Variants in ZNF282 observed in about 807,000 individuals in gnomAD.
ZNF282 encodes HTLV-I U5 repressive element-binding protein 1.
In ZNF282, 30 loss-of-function variants were observed where a neutral mutation model predicts 61.9. That is an observed-to-expected ratio of 0.48 (90% CI 0.36 to 0.66). The LOEUF (loss-of-function observed/expected upper bound fraction) is 0.66, where lower values mean the gene tolerates loss of function less well. Ranked by LOEUF, ZNF282 falls within the 30% of genes least tolerant of loss-of-function variation. ZNF282 has a pLI of 0.00. For synonymous variants in ZNF282, 396 were observed against 405.0 expected (o/e 0.98, Z 0.27); for missense variants, 788 against 941.4 (o/e 0.84, Z 2.13).
At chr7:149,214,912 C>T (rs918023454) in intron 7 of ZNF282, among the ~76,000 whole-genome samples, 2 of 152,178 alleles carry the variant, frequency 1.3e-5, no homozygotes, top group Admixed American at 1.3e-4. Flanking sequence ...CACTGATGAA[C>T]ACACTGAAGC....
At chr7:149,197,590 A>C (rs993152595) in intron 1 of ZNF282, among the ~76,000 whole-genome samples, 3 of 152,214 alleles carry the variant, frequency 2.0e-5, no homozygotes, top group African/African-American at 7.2e-5. Flanking sequence ...CTCCTGCCTC[A>C]GCCTCCCAAG....
chr7:149,224,191 C>T lies in ZNF282; in HGVS notation c.1560C>T (p.Cys520=). The T allele has an allele frequency of 1.2e-6, 2 of 1,604,794 alleles. No homozygotes were observed. The highest frequency in any genetic ancestry group is 1.7e-6 in the Non-Finnish European group (2 of 1,179,416). ...GCGCCCGCAGCAAGCCCTACTCGTGCCCCGAGTGCGGCAAGAGCTTCGGCG... is the reference window on the plus strand; with the variant it reads ...GCGCCCGCAGCAAGCCCTACTCGTGTCCCGAGTGCGGCAAGAGCTTCGGCG... ...LHGARSKPYS[C]PECGKSFGVR... The change falls in exon 8 of 8, where the codon TGC becomes TGT. Residue 520 remains cysteine, a synonymous_variant. Coordinates refer to ENST00000610704, the MANE Select transcript of ZNF282 (RefSeq NM_003575.4).
At chr7:149,207,318 C>T in intron 3 of ZNF282, 33 bp from the exon 4 acceptor site, 1 of 1,576,718 alleles carries the variant, frequency 6.3e-7, no homozygotes, top group Non-Finnish European at 8.6e-7. Flanking sequence ...GTCAACTTCA[C>T]TCAGCCTTTC....
intron 7 of ZNF282, 50 bp downstream of exon 7, chr7:149,213,864 C>T (rs1224778255): frequency 7.1e-7 from 1 of 1,398,672 alleles, no homozygotes; most frequent in Non-Finnish European, 1.0e-6. Flanking sequence ...TGGAGCTGTA[C>T]AGCTGAGGCG....
At chr7:149,214,674 A>G (rs1219876146) in intron 7 of ZNF282, among the ~76,000 whole-genome samples, 2 of 152,114 alleles carry the variant, frequency 1.3e-5, no homozygotes, top group Non-Finnish European at 2.9e-5. Flanking sequence ...TCTACAAAAA[A>G]ATTAACAAAT....
intron 1 of ZNF282, among the ~76,000 whole-genome samples, chr7:149,197,097 A>G (rs1006877833): frequency 2.0e-5 from 3 of 152,218 alleles, no homozygotes; most frequent in African/African-American, 7.2e-5. Context: ...TGACCAGTGA[A>G]CTGTCACCAG....
chr7:149,224,888 C>G lies in ZNF282; in HGVS notation c.*241C>G, dbSNP rs534050067. 1 of 657,494 alleles carries G rather than the reference C, an allele frequency of 1.5e-6. No individual in the cohort carries two copies. The highest frequency in any genetic ancestry group is 2.4e-6 in the Non-Finnish European group (1 of 414,154). The allele number at this position is 657,494 out of a possible 1,614,324, so 40.7% of individuals were successfully genotyped here. On this transcript the variant is annotated 3_prime_UTR_variant, in exon 8 of 8. Coordinates refer to ENST00000610704, the MANE Select transcript of ZNF282 (RefSeq NM_003575.4). ...GCCAGGGGGACCGCGAGGAGCCGAG[C>G]GTCCTCGGGCACCGCCCTCACACCT... is the stretch of plus-strand genomic sequence containing the variant.
chr7:149,225,589 C>G lies in ZNF282; in HGVS notation c.*942C>G, dbSNP rs1027688525. The G allele has an allele frequency of 6.5e-6, 1 of 152,798 alleles. No individual in the cohort carries two copies. The highest frequency in any genetic ancestry group is 1.5e-5 in the Non-Finnish European group (1 of 68,220). 9.5% of individuals were successfully genotyped at this position (152,798 alleles called of 1,614,324 possible). A position where few individuals can be genotyped will look rare whatever the true frequency, so the allele number is the denominator to read the frequency against. On this transcript the variant is annotated 3_prime_UTR_variant, in exon 8 of 8. Coordinates refer to ENST00000610704, the MANE Select transcript of ZNF282 (RefSeq NM_003575.4). ...CCCACAGGCAGTTAGGGCCCCAGGT[C>G]AGACCTCACCATGATGATTTGTTCC...
In ZNF282 at chr7:149,204,183, A is replaced by G. The variant is rs75185918; in HGVS notation, c.586-2513A>G. Among the ~76,000 whole-genome samples, 580 of 152,314 alleles carry G rather than the reference A, an allele frequency of 3.8e-3. 6 individuals are homozygous for G. The highest frequency in any genetic ancestry group is 0.013 in the African/African-American group (551 of 41,574). ...GGAAAAAGTAAAAAAGACACGTGCC[A>G]GATGGACGGGAGGCAACATAATTAC... On this transcript the variant is annotated intron_variant, in intron 2 of 7. Transcript: ENST00000610704.
At position 149,195,622 on chromosome 7, in the gene ZNF282, G is replaced by C. The variant is rs763738838; in HGVS notation, c.33G>C (p.Gln11His). 2.5e-6 allele frequency: 4 copies of C among 1,611,116 alleles called. No individual in the cohort carries two copies. Among genetic ancestry groups the C allele is most frequent in the Non-Finnish European group, 3.4e-6 (4 of 1,179,002 alleles). ...TTGTGTCAACACGGCCGCAGCCTCAGCAGCTGGGCATCCAGGGCCTGGGGC... is the reference window on the plus strand; with the variant it reads ...TTGTGTCAACACGGCCGCAGCCTCACCAGCTGGGCATCCAGGGCCTGGGGC... MQFVSTRPQP[Q>H]QLGIQGLGLD... The change falls in exon 1 of 8, where the codon CAG becomes CAC. Residue 11 changes from glutamine (Q) to histidine (H), a missense_variant. Physicochemically the swap from Gln to His is conservative, Grantham distance 24 (BLOSUM62 0). Transcript: ENST00000610704.
intron 1 of ZNF282, among the ~76,000 whole-genome samples, chr7:149,197,031 G>A (rs1417823258): frequency 6.6e-6 from 1 of 152,242 alleles, no homozygotes; most frequent in Non-Finnish European, 1.5e-5. Flanking sequence ...GTGAAGGAGA[G>A]TCGGCTGCCA....
In ZNF282 at chr7:149,198,684, A is replaced by G; in HGVS notation, c.517A>G (p.Asn173Asp). The change falls in exon 2 of 8, where the codon AAC (asparagine) becomes GAC (aspartate). Residue 173 changes from asparagine to aspartate, a missense_variant. Physicochemically the swap from Asn to Asp is conservative, Grantham distance 23. This residue lies in a region of ZNF282 where 92 missense variants were observed against 163.9 expected (regional missense o/e 0.56). Transcript: ENST00000610704. The surrounding 1 kb of genome is among the most constrained non-coding windows in gnomAD (Gnocchi z 4.3). Reference sequence around the variant, plus strand: ...GCAGAGGCGGCTGGAGAACTTGGAGAACTTGCTGCGCAACAGGAACTTCTG... The same window carrying G: ...GCAGAGGCGGCTGGAGAACTTGGAGGACTTGCTGCGCAACAGGAACTTCTG... Reference protein sequence around the residue: ...LLQRRLENLENLLRNRNFWVL... With the variant: ...LLQRRLENLEDLLRNRNFWVL... 6.2e-7 allele frequency: 1 copy of G among 1,613,892 alleles called. No individual in the cohort carries two copies. The highest frequency in any genetic ancestry group is 1.1e-5 in the South Asian group (1 of 91,078).
In ZNF282 at chr7:149,223,864, GC is replaced by G; in HGVS notation, c.1237del (p.Gln413SerfsTer154). The G allele has an allele frequency of 1.4e-6, 2 of 1,440,978 alleles. No individual in the cohort carries two copies. The highest frequency in any genetic ancestry group is 9.1e-7 in the Non-Finnish European group (1 of 1,100,318). 89.3% of individuals were successfully genotyped at this position (1,440,978 alleles called of 1,614,324 possible). ...CACCCCCGGCCCCGCCACAGCCCCA[GC>G]CCCAGCCCCAGCCACCGCAGCCGCA... ...NPPPAPPQPQ[P>X]QPQPPQPQLQ... On this transcript the variant is annotated frameshift_variant, in exon 8 of 8. Coordinates refer to ENST00000610704, the MANE Select transcript of ZNF282 (RefSeq NM_003575.4). LOFTEE classifies it low-confidence loss of function (END_TRUNC).
intron 2 of ZNF282, among the ~76,000 whole-genome samples, chr7:149,203,932 G>T (rs1795952830): frequency 6.6e-6 from 1 of 152,170 alleles, no homozygotes; most frequent in African/African-American, 2.4e-5. Flanking sequence ...AAATGTAGCA[G>T]CCCAGCCTAA....
At chr7:149,209,014 T>G (rs1164977232) in intron 4 of ZNF282, among the ~76,000 whole-genome samples, 8 of 6,168 alleles carry the variant, frequency 1.3e-3, no homozygotes, top group African/African-American at 1.8e-3. Flanking sequence ...GAGGGAGACT[T>G]CATCTCAAAA....
At chr7:149,207,563 G>A (rs1796016579) in intron 4 of ZNF282, 93 bp downstream of exon 4, 9 of 1,511,400 alleles carry the variant, frequency 6.0e-6, no homozygotes, top group South Asian at 3.8e-5. Context: ...GCCACTGTGT[G>A]TGCACCATGG....
chr7:149,220,917 G>GTT (rs764989538), intron 7 of ZNF282, among the ~76,000 whole-genome samples: 1,560 of 47,608 alleles, frequency 0.033, 46 homozygotes, highest in African/African-American at 0.068. Context: ...CCCCTGGAGG[G>GTT]TTTTTTTTTT....
chr7:149,212,441 G>A lies in ZNF282; in HGVS notation c.1036G>A (p.Asp346Asn). 6.2e-7 allele frequency: 1 copy of A among 1,613,052 alleles called. No individual in the cohort carries two copies. The highest frequency in any genetic ancestry group is 8.5e-7 in the Non-Finnish European group (1 of 1,179,592). Residue 346 changes from aspartate (D) to asparagine (N), a missense_variant, in exon 6 of 8, where the codon GAC (aspartate) becomes AAC (asparagine). Asp to Asn is a conservative substitution (Grantham distance 23). This residue lies in a region of ZNF282 where 559 missense variants were observed against 642.0 expected (regional missense o/e 0.87). Coordinates refer to ENST00000610704, the MANE Select transcript of ZNF282 (RefSeq NM_003575.4). Reference protein sequence around the residue: ...QCVWDQQDLADRDIPTDPNSE... With the variant: ...QCVWDQQDLANRDIPTDPNSE... ...CGTGTGGGATCAGCAGGATTTGGCA[G>A]ACAGAGATATTCCCACGGATCCCAA...
At chr7:149,222,335 C>T (rs1437897275) in intron 7 of ZNF282, among the ~76,000 whole-genome samples, 1 of 152,172 alleles carries the variant, frequency 6.6e-6, no homozygotes, top group Non-Finnish European at 1.5e-5. Context: ...CCACACCTGC[C>T]CAAGTCAGAT....
Sources: allele counts gnomAD v4.1 joint callset (sites outside exome capture counted in the v4.1 genomes callset), GRCh38; gene constraint gnomAD v4.1.1; regional missense constraint gnomAD v4.1.1; non-coding constraint Gnocchi (gnomAD v3.1); transcripts MANE v1.5; gene names NCBI Gene and HGNC (gene_info 2026-07-23, HGNC 2026-07-21).